The following RNFT2 variants were observed in gnomAD, a reference collection of about 807,000 sequenced individuals.
RNFT2 encodes ring finger protein, transmembrane 2, also known as E3 ubiquitin-protein ligase RNFT2.
Under a neutral mutation model 53.0 loss-of-function variants are expected in RNFT2, and 36 were observed. The ratio of observed to expected loss-of-function variants is 0.68; its 90% CI spans 0.52 to 0.90. RNFT2 has a LOEUF of 0.90. RNFT2 is among the 40% of genes least tolerant of loss of function. RNFT2 has a pLI of 0.00. For missense variants in RNFT2, 514 were observed against 585.6 expected (o/e 0.88, Z 1.26); for synonymous variants, 260 against 253.2 (o/e 1.03, Z -0.26).
At chr12:116,759,137 G>C (rs1217680937) in intron 5 of RNFT2, among the ~76,000 whole-genome samples, 6 of 151,956 alleles carry the variant, frequency 3.9e-5, no homozygotes, top group Admixed American at 3.9e-4. Flanking sequence ...TCTTCTACTT[G>C]TTCAATTCTA....
chr12:116,779,463 A>C, intron 7 of RNFT2, 115 bp downstream of exon 7: 1 of 1,124,402 alleles, frequency 8.9e-7, no homozygotes, highest in Non-Finnish European at 1.3e-6. Context: ...CAGCATATAA[A>C]ATAAACAGAG....
intron 10 of RNFT2, among the ~76,000 whole-genome samples, chr12:116,841,855 A>ATAGAG (rs1565876093): frequency 1.6e-4 from 4 of 24,524 alleles, no homozygotes; most frequent in African/African-American, 4.6e-4. Flanking sequence ...AAATATATAT[A>ATAGAG]AAAATATATA....
chr12:116,839,860 C>T (rs932225057), intron 10 of RNFT2, among the ~76,000 whole-genome samples: 3 of 152,148 alleles, frequency 2.0e-5, no homozygotes, highest in Non-Finnish European at 4.4e-5. Flanking sequence ...GTCACTCCCA[C>T]TCCACCCACT....
intron 10 of RNFT2, among the ~76,000 whole-genome samples, chr12:116,843,421 AG>A (rs2137220586): frequency 7.4e-6 from 1 of 135,134 alleles, no homozygotes; most frequent in South Asian, 2.5e-4. Context: ...GAGCCCCAAA[AG>A]GTCGAGGCTG....
rs910299188 is a variant in RNFT2, at chr12:116,749,334, G to A, written c.84-507G>A. ...TCTCTGTCGCCCAGGCTGGAGTGCA[G>A]TGGCGAGATCTTGGCTCACTACAGC... On this transcript the variant is annotated intron_variant, in intron 3 of 10. Transcript: ENST00000257575. Among the ~76,000 whole-genome samples the A allele has an allele frequency of 1.2e-3, 160 of 136,574 alleles. 1 individual carries two copies. The highest frequency in any genetic ancestry group is 4.3e-3 in the African/African-American group (157 of 36,334). The allele number at this position is 136,574 out of a possible 152,430, so 89.6% of individuals were successfully genotyped here.
intron 7 of RNFT2, among the ~76,000 whole-genome samples, chr12:116,789,270 AGATG>A (rs762197284): frequency 5.2e-5 from 6 of 114,524 alleles, no homozygotes; most frequent in African/African-American, 1.4e-4. Flanking sequence ...GGAGAAGAGT[AGATG>A]GATGGATGGA....
chr12:116,848,315 A>G (rs1877722735), intron 10 of RNFT2, among the ~76,000 whole-genome samples: 1 of 152,160 alleles, frequency 6.6e-6, no homozygotes, highest in Admixed American at 6.6e-5. Flanking sequence ...GTATGCGTGC[A>G]TGTATCTGTT....
rs769977065 is a variant in RNFT2 at position 116,852,759 on chromosome 12, A to T, written c.*3311A>T. 1 of 1,587,420 alleles carries T rather than the reference A, an allele frequency of 6.3e-7. No individual in the cohort carries two copies. The highest frequency in any genetic ancestry group is 1.7e-5 in the Admixed American group (1 of 59,978). Reference sequence around the variant, plus strand: ...GAGTCAGACCTGGAATTCTGATTCCAAACTCTTTATTACTTTGGGAAGTCA... The same window carrying T: ...GAGTCAGACCTGGAATTCTGATTCCTAACTCTTTATTACTTTGGGAAGTCA... On this transcript the variant is annotated 3_prime_UTR_variant, in exon 11 of 11. Coordinates refer to ENST00000257575, the MANE Select transcript of RNFT2 (RefSeq NM_001382266.1).
At chr12:116,838,581 A>G (rs577393020) in intron 10 of RNFT2, among the ~76,000 whole-genome samples, 1 of 152,342 alleles carries the variant, frequency 6.6e-6, no homozygotes, top group East Asian at 1.9e-4. Context: ...GAGCTTTGCC[A>G]ATCTGACAGG....
intron 6 of RNFT2, among the ~76,000 whole-genome samples, chr12:116,768,951 A>G (rs112303271): frequency 0.1 from 15,688 of 151,910 alleles, 1,707 homozygotes; most frequent in African/African-American, 0.27. Flanking sequence ...GGCTGGTCTC[A>G]AACTCCTGAT....
At chr12:116,809,429 A>G (rs1379216110) in intron 7 of RNFT2, among the ~76,000 whole-genome samples, 1 of 152,076 alleles carries the variant, frequency 6.6e-6, no homozygotes, top group Non-Finnish European at 1.5e-5. Flanking sequence ...GAAGATCCAC[A>G]ATCTTTCCAA....
At position 116,852,853 on chromosome 12, in the gene RNFT2, T is replaced by A; in HGVS notation, c.*3405T>A. On this transcript the variant is annotated 3_prime_UTR_variant, in exon 11 of 11. Transcript: ENST00000257575. ...TATTACCTGCTGGAACCAAGGAAAC[T>A]AACAATGTAGGTTACTAGTGAATAC... 1.3e-6 allele frequency: 1 copy of A among 770,388 alleles called. No individual in the cohort carries two copies. Among genetic ancestry groups the A allele is most frequent in the Non-Finnish European group, 2.2e-6 (1 of 464,752 alleles). 47.7% of individuals were successfully genotyped at this position (770,388 alleles called of 1,614,324 possible). A position where few individuals can be genotyped will look rare whatever the true frequency, so the allele number is the denominator to read the frequency against.
intron 7 of RNFT2, among the ~76,000 whole-genome samples, chr12:116,821,481 G>T (rs1178431980): frequency 1.3e-5 from 2 of 152,216 alleles, no homozygotes; most frequent in Admixed American, 6.5e-5. Flanking sequence ...CATCCTAACA[G>T]GCCCGCAGGC....
chr12:116,803,499 T>C lies in RNFT2; in HGVS notation c.882+24151T>C, dbSNP rs561121525. On this transcript the variant is annotated intron_variant, in intron 7 of 10. Transcript: ENST00000257575. ...TTCCTTTTAGAGAAATAAAAGCCAC[T>C]CCGCTGACCCCACTTACATCCACTG... Among the ~76,000 whole-genome samples the C allele has an allele frequency of 5.9e-5, 9 of 152,318 alleles. No individual in the cohort carries two copies. The South Asian group carries it at 1.9e-3, about 32-fold the overall frequency.
intron 4 of RNFT2, 45 bp from the exon 5 acceptor site, chr12:116,753,939 T>C: frequency 6.5e-7 from 1 of 1,527,840 alleles, no homozygotes; most frequent in Non-Finnish European, 9.1e-7. Flanking sequence ...GGGCTAGGCC[T>C]GATGAGTCTA....
At chr12:116,833,442 C>T (rs560669913) in intron 7 of RNFT2, among the ~76,000 whole-genome samples, 136 of 152,302 alleles carry the variant, frequency 8.9e-4, no homozygotes, top group African/African-American at 3.0e-3. Context: ...GGGACTGTGC[C>T]CCCACCTTGG....
rs1876483848 is a variant in RNFT2, at chr12:116,828,798, A to G, written c.883-4994A>G. Among the ~76,000 whole-genome samples the G allele has an allele frequency of 2.0e-5, 3 of 152,110 alleles. No homozygotes were observed. In the South Asian group the frequency reaches 6.2e-4, roughly 31 times the overall value. ...TGGAAGAAAGAAAGGTAAGGAAGGA[A>G]GGAAACAAGAGTGATCTAGGGGTGC... is the stretch of plus-strand genomic sequence containing the variant. On this transcript the variant is annotated intron_variant, in intron 7 of 10. Coordinates refer to ENST00000257575, the MANE Select transcript of RNFT2 (RefSeq NM_001382266.1).
At chr12:116,758,894 G>A (rs1453601695) in intron 5 of RNFT2, among the ~76,000 whole-genome samples, 1 of 152,128 alleles carries the variant, frequency 6.6e-6, no homozygotes. Flanking sequence ...TCTTGTATTT[G>A]GATGTCTAGG....
chr12:116,814,039 A>C (rs1309402641), intron 7 of RNFT2, among the ~76,000 whole-genome samples: 1 of 152,208 alleles, frequency 6.6e-6, no homozygotes, highest in Non-Finnish European at 1.5e-5. Context: ...CAAGGTAAGC[A>C]GAGGAAACGG....
Sources: allele counts gnomAD v4.1 joint callset (sites outside exome capture counted in the v4.1 genomes callset), GRCh38; gene constraint gnomAD v4.1.1; transcripts MANE v1.5; gene names NCBI Gene and HGNC (gene_info 2026-07-23, HGNC 2026-07-21).